The following MAGI2 variants were observed in gnomAD, a reference collection of about 807,000 sequenced individuals.
MAGI2 encodes the protein membrane associated guanylate kinase, WW and PDZ domain containing 2, also known as membrane-associated guanylate kinase, WW and PDZ domain-containing protein 2.
Under a neutral mutation model 133.3 loss-of-function variants are expected in MAGI2, and 35 were observed. That is an observed-to-expected ratio of 0.26 (90% confidence interval 0.20 to 0.35). The LOEUF is 0.35. MAGI2 is among the 10% of genes least tolerant of loss of function. The pLI, the probability that MAGI2 is intolerant of heterozygous loss-of-function variation, is 1.00. For synonymous variants in MAGI2, 729 were observed against 710.6 expected, an observed-to-expected ratio of 1.03 and a Z score of -0.41; for missense variants, 1,636 against 1,863.4, an observed-to-expected ratio of 0.88 and a Z score of 2.25.
intron 2 of MAGI2, among the ~76,000 whole-genome samples, chr7:78,930,967 C>T (rs1800065358): frequency 1.3e-5 from 2 of 152,064 alleles, no homozygotes; most frequent in Non-Finnish European, 2.9e-5. Flanking sequence ...AAACGAATTT[C>T]TATTTTGCTA....
intron 2 of MAGI2, among the ~76,000 whole-genome samples, chr7:78,961,406 T>G (rs933174622): frequency 6.6e-6 from 1 of 152,124 alleles, no homozygotes; most frequent in African/African-American, 2.4e-5. Context: ...AAACAACTTC[T>G]TTTCTATCCC....
Position 78,553,777 on chromosome 7 carries a change from A to G in MAGI2, c.539-32132T>C, listed in dbSNP as rs538957858. Among the ~76,000 whole-genome samples the G allele has an allele frequency of 4.6e-5, 7 of 152,324 alleles. No homozygotes were observed. In the South Asian group the frequency reaches 8.3e-4, roughly 18 times the overall value. The stretch of plus-strand genomic sequence containing the variant: ...CACACAGTTACCAAGTGGCAGGGAT[A>G]GGATTTGGATTTTGGAATAAATCTG... On this transcript the variant is annotated intron_variant, in intron 3 of 21. Coordinates refer to ENST00000354212, the MANE Select transcript of MAGI2 (RefSeq NM_012301.4).
chr7:78,361,639 G>C (rs185682557), intron 7 of MAGI2, among the ~76,000 whole-genome samples: 1 of 152,260 alleles, frequency 6.6e-6, no homozygotes, highest in Admixed American at 6.5e-5. Context: ...ATTGTTATTT[G>C]TAAAAGTCCA....
chr7:78,687,325 CCT>C (rs2151111444), intron 2 of MAGI2, among the ~76,000 whole-genome samples: 1 of 152,218 alleles, frequency 6.6e-6, no homozygotes, highest in African/African-American at 2.4e-5. Flanking sequence ...TCAGAGTCCC[CCT>C]GTTAAGGAGC....
chr7:79,406,195 A>G (rs1845796938), intron 1 of MAGI2, among the ~76,000 whole-genome samples: 2 of 152,126 alleles, frequency 1.3e-5, no homozygotes, highest in African/African-American at 4.8e-5. Context: ...GATTTAAATA[A>G]AGACAAAGTA....
intron 20 of MAGI2, among the ~76,000 whole-genome samples, chr7:78,088,593 A>C (rs1360857144): frequency 1.3e-5 from 2 of 152,196 alleles, no homozygotes; most frequent in Non-Finnish European, 2.9e-5. Context: ...CTCTAGTCTG[A>C]AAGACATCAG....
At chr7:78,623,258 T>C (rs900228099) in intron 3 of MAGI2, among the ~76,000 whole-genome samples, 1 of 152,084 alleles carries the variant, frequency 6.6e-6, no homozygotes, top group South Asian at 2.1e-4. Flanking sequence ...TTTAATGATC[T>C]GATATGTTAA....
At chr7:79,415,436 C>G (rs140653499) in intron 1 of MAGI2, 1 of 152,168 alleles carries the variant, frequency 6.6e-6, no homozygotes, top group East Asian at 1.9e-4. Flanking sequence ...TGCGTTTTCT[C>G]ATTGGCCTGG....
At chr7:79,261,762 A>G (rs185478938) in intron 1 of MAGI2, among the ~76,000 whole-genome samples, 103 of 152,304 alleles carry the variant, frequency 6.8e-4, no homozygotes, top group African/African-American at 2.5e-3. Context: ...AAAGATCTCT[A>G]AATCTTACTA....
chr7:78,412,374 C>T (rs1014323619), intron 6 of MAGI2, among the ~76,000 whole-genome samples: 2 of 152,088 alleles, frequency 1.3e-5, no homozygotes, highest in Non-Finnish European at 2.9e-5. Context: ...TAAATGATCA[C>T]GGTGCTTGAG....
intron 1 of MAGI2, among the ~76,000 whole-genome samples, chr7:79,057,768 A>G (rs1813288109): frequency 6.6e-6 from 1 of 152,140 alleles, no homozygotes; most frequent in Non-Finnish European, 1.5e-5. Flanking sequence ...CATGTTAATG[A>G]GGCACTGAAA....
intron 1 of MAGI2, among the ~76,000 whole-genome samples, chr7:79,016,696 C>G (rs560023722): frequency 3.3e-4 from 51 of 152,266 alleles, no homozygotes; most frequent in African/African-American, 1.2e-3. Flanking sequence ...GAACCCCAAC[C>G]CTCCAACACT....
intron 7 of MAGI2, among the ~76,000 whole-genome samples, chr7:78,346,642 G>T (rs1049363281): frequency 6.6e-6 from 1 of 152,220 alleles, no homozygotes; most frequent in Non-Finnish European, 1.5e-5. Context: ...GGGCAAATTT[G>T]TAGGTATCAG....
At chr7:78,154,159 A>G (rs1824159856) in intron 16 of MAGI2, among the ~76,000 whole-genome samples, 1 of 152,212 alleles carries the variant, frequency 6.6e-6, no homozygotes, top group South Asian at 2.1e-4. Flanking sequence ...AAGTTTTAAA[A>G]TCTCTAGGAT....
rs374065418 is a variant in MAGI2 at position 78,139,338 on chromosome 7, G to T, written c.2846-4132C>A. Among the ~76,000 whole-genome samples, 206 of 152,320 alleles carry T rather than the reference G, an allele frequency of 1.4e-3. 3 individuals are homozygous for T. The highest frequency in any genetic ancestry group is 4.7e-3 in the African/African-American group (195 of 41,578). ...CTTTACTAGAGTTTTCCTTACATAT[G>T]TAAGTGCACTGAATGTTGATGTACA... is the stretch of plus-strand genomic sequence containing the variant. On this transcript the variant is annotated intron_variant, in intron 16 of 21. Transcript: ENST00000354212.
intron 2 of MAGI2, among the ~76,000 whole-genome samples, chr7:78,665,146 A>G (rs1453395534): frequency 6.6e-6 from 1 of 152,146 alleles, no homozygotes; most frequent in Admixed American, 6.6e-5. Context: ...ATTTGTATAC[A>G]TATCTATGAT....
chr7:79,200,607 T>C (rs927511015), intron 1 of MAGI2, among the ~76,000 whole-genome samples: 9 of 144,554 alleles, frequency 6.2e-5, no homozygotes, highest in Admixed American at 6.1e-4. Flanking sequence ...TGAGACCCCA[T>C]CTCAAAAAAA....
chr7:79,267,513 T>A (rs1390567964), intron 1 of MAGI2, among the ~76,000 whole-genome samples: 2 of 152,178 alleles, frequency 1.3e-5, no homozygotes, highest in Non-Finnish European at 2.9e-5. Flanking sequence ...TTGCCTTATG[T>A]GGTTAGCCAT....
chr7:78,084,234 C>T lies in MAGI2; in HGVS notation c.3568-5149G>A, dbSNP rs145432353. Reference sequence around the variant, plus strand: ...TCTCTATTCCTTATTTCATGATGGACTTAGCTATGGACGATTTTTGTGGCT... The same window carrying T: ...TCTCTATTCCTTATTTCATGATGGATTTAGCTATGGACGATTTTTGTGGCT... On this transcript the variant is annotated intron_variant, in intron 20 of 21. Transcript: ENST00000354212. Among the ~76,000 whole-genome samples the T allele has an allele frequency of 5.1e-4, 77 of 152,316 alleles. No individual in the cohort carries two copies. The East Asian group carries it at 0.012, about 24-fold the overall frequency.
Sources: gnomAD v4.1 joint callset for allele counts (sites outside exome capture counted in the v4.1 genomes callset) on GRCh38, gnomAD v4.1.1 for gene constraint, MANE v1.5 for transcripts, NCBI Gene and HGNC (gene_info 2026-07-23, HGNC 2026-07-21) for gene names.